The following PPARGC1A variants were observed in gnomAD, a reference collection of about 807,000 sequenced individuals.
The protein encoded by PPARGC1A is PPARG coactivator 1 alpha.
In PPARGC1A, 25 loss-of-function variants were observed where a neutral mutation model predicts 88.7. That is an observed-to-expected ratio of 0.28 (90% CI 0.21 to 0.39). PPARGC1A has a LOEUF of 0.39. PPARGC1A is among the 10% of genes least tolerant of loss of function. The pLI is 1.00. For synonymous variants in PPARGC1A, 363 were observed against 355.6 expected, an observed-to-expected ratio of 1.02 and a Z score of -0.24; for missense variants, 880 against 968.7, an observed-to-expected ratio of 0.91 and a Z score of 1.22.
chr4:24,304,575 C>G, the PPARGC1A span, among the ~76,000 whole-genome samples: 11 of 152,246 alleles, frequency 7.2e-5, 1 homozygote, highest in South Asian at 2.3e-3. Flanking sequence ...GGTGGTCTGG[C>G]TCCAGAGTCT....
chr4:24,282,414 G>T, the PPARGC1A span, among the ~76,000 whole-genome samples: 1 of 152,150 alleles, frequency 6.6e-6, no homozygotes, highest in Non-Finnish European at 1.5e-5. Context: ...GGAGTGTGTG[G>T]TTTTTGTTGC....
the PPARGC1A span, among the ~76,000 whole-genome samples, chr4:24,387,818 A>AGAAAGAG: frequency 4.9e-5 from 4 of 81,098 alleles, no homozygotes; most frequent in Admixed American, 1.5e-4. Flanking sequence ...GAAAGAAAGA[A>AGAAAGAG]AGAAAGAGAG....
At chr4:24,309,850 T>G in the PPARGC1A span, among the ~76,000 whole-genome samples, 1 of 152,210 alleles carries the variant, frequency 6.6e-6, no homozygotes, top group African/African-American at 2.4e-5. Context: ...GAGAGAGTAT[T>G]GTATGTCAAC....
the PPARGC1A span, among the ~76,000 whole-genome samples, chr4:24,016,401 T>C: frequency 6.6e-6 from 1 of 152,192 alleles, no homozygotes; most frequent in Non-Finnish European, 1.5e-5. Context: ...CAAAGACAAT[T>C]ATTTTCTCCT....
At chr4:23,980,409 C>T in the PPARGC1A span, among the ~76,000 whole-genome samples, 1 of 152,094 alleles carries the variant, frequency 6.6e-6, no homozygotes, top group Non-Finnish European at 1.5e-5. Context: ...AGAAGGAGCT[C>T]ACTAAGTAAA....
the PPARGC1A span, among the ~76,000 whole-genome samples, chr4:24,403,830 A>G: frequency 6.6e-6 from 1 of 152,296 alleles, no homozygotes; most frequent in East Asian, 1.9e-4. Flanking sequence ...TCTCTTTCTT[A>G]TAATAATCTT....
At chr4:24,461,229 G>C in the PPARGC1A span, among the ~76,000 whole-genome samples, 1 of 152,206 alleles carries the variant, frequency 6.6e-6, no homozygotes, top group Non-Finnish European at 1.5e-5. Context: ...GCCTAGGGCG[G>C]ATTTTAAATG....
the PPARGC1A span, among the ~76,000 whole-genome samples, chr4:24,196,229 G>A: frequency 4.9e-3 from 745 of 152,284 alleles, 30 homozygotes; most frequent in East Asian, 0.096. Flanking sequence ...TCATAAATCT[G>A]TGTAAAAATA....
the PPARGC1A span, among the ~76,000 whole-genome samples, chr4:24,447,247 A>G: frequency 2.0e-5 from 3 of 152,202 alleles, no homozygotes; most frequent in Non-Finnish European, 2.9e-5. Context: ...CACTTCCATC[A>G]TTGCCCTGCC....
At chr4:24,294,969 C>A in the PPARGC1A span, among the ~76,000 whole-genome samples, 2 of 152,164 alleles carry the variant, frequency 1.3e-5, no homozygotes, top group East Asian at 1.9e-4. Flanking sequence ...CATCAGCAAG[C>A]CCATGGGGGG....
At chr4:24,293,776 T>C in the PPARGC1A span, among the ~76,000 whole-genome samples, 1 of 151,658 alleles carries the variant, frequency 6.6e-6, no homozygotes, top group East Asian at 2.0e-4. Context: ...CTTCAAATTC[T>C]CGTATTAAGT....
chr4:23,934,353 T>C, the PPARGC1A span, among the ~76,000 whole-genome samples: 1 of 152,190 alleles, frequency 6.6e-6, no homozygotes, highest in Admixed American at 6.5e-5. Flanking sequence ...CTATGCAGGA[T>C]CAATGTTCAG....
At chr4:23,957,529 A>G in the PPARGC1A span, among the ~76,000 whole-genome samples, 10 of 152,160 alleles carry the variant, frequency 6.6e-5, no homozygotes, top group Non-Finnish European at 1.5e-4. Context: ...GGATTGAAAC[A>G]TAGGTTTTAA....
At chr4:24,181,517 T>A in the PPARGC1A span, among the ~76,000 whole-genome samples, 1 of 152,192 alleles carries the variant, frequency 6.6e-6, no homozygotes, top group Non-Finnish European at 1.5e-5. Flanking sequence ...GTAATTATGA[T>A]AATTTTTTGA....
the PPARGC1A span, among the ~76,000 whole-genome samples, chr4:23,990,287 G>A: frequency 6.6e-6 from 1 of 150,404 alleles, no homozygotes; most frequent in Non-Finnish European, 1.5e-5. Flanking sequence ...TACTCTGAAG[G>A]CACAGAATAA....
the PPARGC1A span, among the ~76,000 whole-genome samples, chr4:24,092,184 T>A: frequency 6.6e-6 from 1 of 151,830 alleles, no homozygotes; most frequent in African/African-American, 2.4e-5. Context: ...GCATCTAGAG[T>A]CCCTCCCCTT....
At chr4:24,003,025 C>A in the PPARGC1A span, among the ~76,000 whole-genome samples, 1 of 152,240 alleles carries the variant, frequency 6.6e-6, no homozygotes, top group Admixed American at 6.5e-5. Context: ...TCAGTCGCCC[C>A]AGAGAAATCC....
chr4:24,370,747 C>CTT, the PPARGC1A span, among the ~76,000 whole-genome samples: 3 of 114,612 alleles, frequency 2.6e-5, no homozygotes, highest in African/African-American at 1.1e-4. Context: ...TCCTGTCTCT[C>CTT]TCTTTTTTTT....
chr4:24,151,500 G>T, the PPARGC1A span, among the ~76,000 whole-genome samples: 5 of 152,162 alleles, frequency 3.3e-5, no homozygotes, highest in Non-Finnish European at 7.4e-5. Context: ...CACACCGGGG[G>T]TTAGGGCTTC....
Sources: allele counts gnomAD v4.1 joint callset (sites outside exome capture counted in the v4.1 genomes callset), GRCh38; gene constraint gnomAD v4.1.1; transcripts MANE v1.5; gene names NCBI Gene and HGNC (gene_info 2026-07-23, HGNC 2026-07-21).